CSMD1: variants seen among roughly 807,000 people sequenced by gnomAD.
CSMD1 encodes the protein CUB and sushi domain-containing protein 1.
CSMD1 carries 213 observed loss-of-function variants against 417.5 expected under a neutral mutation model. The ratio of observed to expected loss-of-function variants is 0.51; its 90% CI spans 0.46 to 0.57. The LOEUF is 0.57. Ranked by LOEUF, CSMD1 falls within the 20% of genes least tolerant of loss-of-function variation. The pLI is 0.00. For missense variants in CSMD1, 6,923 were observed against 4,529.7 expected, an observed-to-expected ratio of 1.53 and a Z score of -15.17; for synonymous variants, 2,862 against 1,736.8, an observed-to-expected ratio of 1.65 and a Z score of -16.11.
At chr8:3,054,615 C>A (rs1021292716) in intron 49 of CSMD1, among the ~76,000 whole-genome samples, 5 of 114,568 alleles carry the variant, frequency 4.4e-5, no homozygotes, top group African/African-American at 1.4e-4. Context: ...AAGGCCCTGT[C>A]TCAAAAACAA....
chr8:3,150,138 A>G (rs1469404992), intron 40 of CSMD1, among the ~76,000 whole-genome samples: 1 of 152,226 alleles, frequency 6.6e-6, no homozygotes, highest in East Asian at 1.9e-4. Context: ...TAGCCCTGGC[A>G]GAATCACTGC....
At chr8:4,566,931 T>G (rs1798642651) in intron 2 of CSMD1, among the ~76,000 whole-genome samples, 1 of 52,862 alleles carries the variant, frequency 1.9e-5, no homozygotes, top group African/African-American at 5.6e-5. Flanking sequence ...GAACTAAAAC[T>G]TTAAAATAAC....
At chr8:3,173,878 G>A (rs1484234788) in intron 37 of CSMD1, among the ~76,000 whole-genome samples, 1 of 152,138 alleles carries the variant, frequency 6.6e-6, no homozygotes, top group African/African-American at 2.4e-5. Flanking sequence ...TGTAATTATA[G>A]GGGCTAATCC....
intron 1 of CSMD1, among the ~76,000 whole-genome samples, chr8:4,779,621 C>T (rs1372036348): frequency 6.6e-6 from 1 of 152,236 alleles, no homozygotes; most frequent in African/African-American, 2.4e-5. Context: ...GCCTCCAGCA[C>T]TTCTCAAGCT....
intron 3 of CSMD1, among the ~76,000 whole-genome samples, chr8:4,168,980 C>T (rs972850978): frequency 1.3e-5 from 2 of 152,126 alleles, no homozygotes; most frequent in Admixed American, 6.5e-5. Flanking sequence ...GGCCGTTCTC[C>T]TCATTTTCCT....
At chr8:3,165,912 G>A (rs1420396532) in intron 37 of CSMD1, among the ~76,000 whole-genome samples, 2 of 152,120 alleles carry the variant, frequency 1.3e-5, no homozygotes, top group Admixed American at 1.3e-4. Context: ...CCAGAAAGGA[G>A]GTGGGGGAAT....
At chr8:3,459,665 A>G (rs1816376268) in intron 12 of CSMD1, among the ~76,000 whole-genome samples, 1 of 152,102 alleles carries the variant, frequency 6.6e-6, no homozygotes, top group Non-Finnish European at 1.5e-5. Flanking sequence ...GGACTCAGAG[A>G]ACCAGAGAGG....
At chr8:4,533,155 T>A (rs1404820912) in intron 2 of CSMD1, among the ~76,000 whole-genome samples, 1 of 152,230 alleles carries the variant, frequency 6.6e-6, no homozygotes, top group Non-Finnish European at 1.5e-5. Context: ...TTCACCCAGC[T>A]AATGTTTTCA....
At chr8:3,623,524 A>C (rs1388599298) in intron 7 of CSMD1, among the ~76,000 whole-genome samples, 1 of 152,260 alleles carries the variant, frequency 6.6e-6, no homozygotes, top group Non-Finnish European at 1.5e-5. Context: ...GAAGCGCTAA[A>C]AATAATTACA....
intron 49 of CSMD1, among the ~76,000 whole-genome samples, chr8:3,082,696 A>C (rs1814193519): frequency 6.6e-6 from 1 of 152,208 alleles, no homozygotes; most frequent in South Asian, 2.1e-4. Context: ...AATGTACAAA[A>C]ACAGACACAT....
intron 3 of CSMD1, among the ~76,000 whole-genome samples, chr8:4,237,534 C>CTTTTTTTTTTTTTTTTTTTT (rs11433104): frequency 6.7e-6 from 1 of 149,282 alleles, no homozygotes. Flanking sequence ...GTCAATACTA[C>CTTTTTTTTTTTTTTTTTTTT]TTTTTTTTTT....
chr8:4,601,062 T>C (rs1270267607), intron 2 of CSMD1, among the ~76,000 whole-genome samples: 1 of 151,632 alleles, frequency 6.6e-6, no homozygotes, highest in Non-Finnish European at 1.5e-5. Context: ...GTTCAAGCGA[T>C]TCTCCTGCCT....
chr8:4,359,026 C>G (rs1801599919), intron 3 of CSMD1, among the ~76,000 whole-genome samples: 2 of 151,908 alleles, frequency 1.3e-5, no homozygotes, highest in African/African-American at 4.8e-5. Context: ...TACATATATG[C>G]CTATATATGT....
intron 3 of CSMD1, among the ~76,000 whole-genome samples, chr8:4,062,212 C>A (rs537478112): frequency 6.6e-6 from 1 of 152,150 alleles, no homozygotes; most frequent in East Asian, 1.9e-4. Context: ...TTCCAAGCTA[C>A]GGGCCAGGTT....
chr8:3,758,540 A>C (rs1797803614), intron 5 of CSMD1, among the ~76,000 whole-genome samples: 1 of 152,188 alleles, frequency 6.6e-6, no homozygotes, highest in Admixed American at 6.5e-5. Flanking sequence ...CTCTCATCTG[A>C]CACAAAGTTG....
At chr8:4,076,364 A>G (rs775515482) in intron 3 of CSMD1, among the ~76,000 whole-genome samples, 3 of 152,198 alleles carry the variant, frequency 2.0e-5, no homozygotes, top group Non-Finnish European at 4.4e-5. Flanking sequence ...TTCCTTTAAA[A>G]GTTACCCTGT....
chr8:4,910,704 A>C (rs1331032651), intron 1 of CSMD1, among the ~76,000 whole-genome samples: 3 of 152,224 alleles, frequency 2.0e-5, no homozygotes, highest in African/African-American at 7.2e-5. Flanking sequence ...AATGTGTTTT[A>C]AGATATTCTT....
rs377393355 is a variant in CSMD1, at chr8:3,993,012, T to C, written c.818+4891A>G. Among the ~76,000 whole-genome samples, 38 of 152,296 alleles carry C rather than the reference T, an allele frequency of 2.5e-4. No individual in the cohort carries two copies. In the South Asian group the frequency reaches 7.7e-3, roughly 31 times the overall value. On this transcript the variant is annotated intron_variant, in intron 5 of 69. Coordinates refer to ENST00000635120, the MANE Select transcript of CSMD1 (RefSeq NM_033225.6). ...ACAGGGCCAAGGAGGCAAAACCAAA[T>C]GCTCTGTGGGTCCCTGGCTGGAGCC...
At chr8:4,845,485 A>G (rs991580692) in intron 1 of CSMD1, among the ~76,000 whole-genome samples, 2 of 152,194 alleles carry the variant, frequency 1.3e-5, no homozygotes, top group Admixed American at 6.5e-5. Flanking sequence ...TCTGAACGAC[A>G]ATTCACCAAT....
Sources: gnomAD v4.1 joint callset for allele counts (sites outside exome capture counted in the v4.1 genomes callset) on GRCh38, gnomAD v4.1.1 for gene constraint, MANE v1.5 for transcripts, NCBI Gene and HGNC (gene_info 2026-07-23, HGNC 2026-07-21) for gene names.